The following CRLS1 variants were observed in gnomAD, a reference collection of about 807,000 sequenced individuals.
CRLS1 encodes cardiolipin synthase 1, also known as cardiolipin synthase (CMP-forming).
Under a neutral mutation model 37.0 loss-of-function variants are expected in CRLS1, and 24 were observed. The observed-to-expected ratio is 0.65, with a 90% CI of 0.47 to 0.91. CRLS1 has a LOEUF of 0.91. CRLS1 is among the 40% of genes least tolerant of loss of function. CRLS1 has a pLI of 0.00. For synonymous variants in CRLS1, 135 were observed against 159.7 expected (o/e 0.85, Z 1.17); for missense variants, 373 against 395.8 (o/e 0.94, Z 0.49).
intron 2 of CRLS1, among the ~76,000 whole-genome samples, chr20:6,014,709 T>C (rs959329296): frequency 6.6e-6 from 1 of 152,176 alleles, no homozygotes; most frequent in Admixed American, 6.5e-5. Context: ...AAAGCTCTGA[T>C]AGGTCAAACA....
In CRLS1 at chr20:6,034,455, TTTA is replaced by T; in HGVS notation, c.730-6_730-4del. ...CTATTCACTTAGAACTTTTTCTTTT[TTTA>T]TTTAGGTGAATACAGCAGTCCAGTT... On this transcript the variant is annotated splice_polypyrimidine_tract_variant and splice_region_variant and intron_variant, in intron 5 of 6. Transcript: ENST00000378863. The T allele has an allele frequency of 6.2e-7, 1 of 1,604,706 alleles. No homozygotes were observed. The highest frequency in any genetic ancestry group is 8.5e-7 in the Non-Finnish European group (1 of 1,175,982).
chr20:6,013,000 G>T (rs1978452313), intron 2 of CRLS1, among the ~76,000 whole-genome samples: 1 of 152,118 alleles, frequency 6.6e-6, no homozygotes, highest in Non-Finnish European at 1.5e-5. Flanking sequence ...GGGACGATTG[G>T]AGTGGGTCGA....
intron 3 of CRLS1, chr20:6,023,293 T>C (rs1194246701): frequency 6.6e-6 from 1 of 152,222 alleles, no homozygotes; most frequent in South Asian, 2.1e-4. Flanking sequence ...TCTGTTTAGA[T>C]ACATTCTTTG....
chr20:6,010,964 C>T (rs2090124137), intron 2 of CRLS1, among the ~76,000 whole-genome samples: 1 of 151,630 alleles, frequency 6.6e-6, no homozygotes, highest in African/African-American at 2.4e-5. Context: ...CTGCAGTGAG[C>T]TATGATCGCA....
In CRLS1 at chr20:6,015,496, A is replaced by T; in HGVS notation, c.574+6A>T. 6.2e-7 allele frequency: 1 copy of T among 1,612,676 alleles called. No homozygotes were observed. On this transcript the variant is annotated splice_donor_region_variant and intron_variant, in intron 3 of 6. Transcript: ENST00000378863. Reference sequence around the variant, plus strand: ...CTATGCAGATCTTATTCCAGGTAAGAACGCGTCATGCGTACTTTTGAATAG... The same window carrying T: ...CTATGCAGATCTTATTCCAGGTAAGTACGCGTCATGCGTACTTTTGAATAG...
At chr20:6,028,184 T>C (rs867030684) in intron 3 of CRLS1, 43 of 152,294 alleles carry the variant, frequency 2.8e-4, no homozygotes, top group African/African-American at 9.9e-4. Context: ...TTCTGCAGGA[T>C]TGGAGATCAA....
chr20:6,027,690 C>T (rs953213882), intron 3 of CRLS1, among the ~76,000 whole-genome samples: 1 of 152,212 alleles, frequency 6.6e-6, no homozygotes, highest in African/African-American at 2.4e-5. Context: ...GCTGGGATTA[C>T]AGGTGTGAGC....
chr20:6,022,536 G>A (rs1455706323), intron 3 of CRLS1, among the ~76,000 whole-genome samples: 2 of 151,706 alleles, frequency 1.3e-5, no homozygotes, highest in African/African-American at 4.8e-5. Context: ...ATGGAGTTTT[G>A]CCTGTTGCCC....
In CRLS1 at chr20:6,038,431, T is replaced by C. The variant is rs537945644; in HGVS notation, c.*1273T>C. 6.6e-6 allele frequency: 1 copy of C among 152,468 alleles called. No individual in the cohort carries two copies. The highest frequency in any genetic ancestry group is 2.1e-4 in the South Asian group (1 of 4,832). 9.4% of individuals were successfully genotyped at this position (152,468 alleles called of 1,614,324 possible). ...ACTCATGCCTCTTGGCCAGGCATTC[T>C]GCACCAGCGTGTCCCTCTGTGGCTT... On this transcript the variant is annotated 3_prime_UTR_variant, in exon 7 of 7. Transcript: ENST00000378863.
rs1285933669 is a variant in CRLS1 at position 6,039,347 on chromosome 20, T to C, written c.*2189T>C. On this transcript the variant is annotated 3_prime_UTR_variant, in exon 7 of 7. Coordinates refer to ENST00000378863, the MANE Select transcript of CRLS1 (RefSeq NM_019095.6). ...AGCCCACAACATCATAGCTTTGCAG[T>C]TTTTAACCAGGAGCTGGTGGAGATC... The C allele has an allele frequency of 6.6e-6, 1 of 151,966 alleles. No individual in the cohort carries two copies. The highest frequency in any genetic ancestry group is 1.9e-4 in the East Asian group (1 of 5,186). The allele number at this position is 151,966 out of a possible 1,614,324, so 9.4% of individuals were successfully genotyped here. A position where few individuals can be genotyped will look rare whatever the true frequency, so the allele number is the denominator to read the frequency against.
chr20:6,035,203 T>C (rs1980455250), intron 6 of CRLS1, among the ~76,000 whole-genome samples: 1 of 152,178 alleles, frequency 6.6e-6, no homozygotes, highest in African/African-American at 2.4e-5. Context: ...CCAGGCAGTC[T>C]TTTAAAAAAT....
chr20:6,020,480 G>C lies in CRLS1; in HGVS notation c.574+4990G>C, dbSNP rs374491222. On this transcript the variant is annotated intron_variant, in intron 3 of 6. Coordinates refer to ENST00000378863, the MANE Select transcript of CRLS1 (RefSeq NM_019095.6). ...TAATAACCTTGTGTTCAGAGAACAT[G>C]CTCTGTGATTTCAGCCTTTCAGCCC... 4.1e-4 allele frequency among the ~76,000 whole-genome samples: 63 copies of C among 152,164 alleles called. 1 individual carries two copies. The South Asian group carries it at 0.013, about 31-fold the overall frequency.
At chr20:6,015,535 G>T (rs1978678812) in intron 3 of CRLS1, 45 bp downstream of exon 3, 1 of 1,588,026 alleles carries the variant, frequency 6.3e-7, no homozygotes, top group South Asian at 1.1e-5. Context: ...AGGGAAGAAT[G>T]ACATTAGTCA....
intron 3 of CRLS1, 64 bp downstream of exon 3, chr20:6,015,554 T>G: frequency 6.6e-7 from 1 of 1,506,986 alleles, no homozygotes; most frequent in Non-Finnish European, 9.2e-7. Flanking sequence ...CAGCTTAGGA[T>G]TTCTCTTGAG....
chr20:6,013,131 A>G (rs946304933), intron 2 of CRLS1, among the ~76,000 whole-genome samples: 4 of 152,088 alleles, frequency 2.6e-5, no homozygotes, highest in African/African-American at 9.7e-5. Flanking sequence ...GGGGAATTAT[A>G]TCTATGTGTA....
chr20:6,014,248 A>G (rs745517668), intron 2 of CRLS1, among the ~76,000 whole-genome samples: 4 of 152,158 alleles, frequency 2.6e-5, no homozygotes, highest in Non-Finnish European at 5.9e-5. Flanking sequence ...AGGCCAAATA[A>G]CTTATCCAAG....
chr20:6,014,507 TAAAAGCCAGGA>T (rs997681579), intron 2 of CRLS1, among the ~76,000 whole-genome samples: 61 of 152,192 alleles, frequency 4.0e-4, no homozygotes, highest in African/African-American at 1.5e-3. Flanking sequence ...GTTAAATGAG[TAAAAGCCAGGA>T]AGGGACTTGG....
At chr20:6,021,772 T>C (rs965738282) in intron 3 of CRLS1, among the ~76,000 whole-genome samples, 1 of 152,222 alleles carries the variant, frequency 6.6e-6, no homozygotes, top group African/African-American at 2.4e-5. Flanking sequence ...TTGGCACATA[T>C]GTTTTGTCCT....
intron 4 of CRLS1, among the ~76,000 whole-genome samples, chr20:6,031,774 A>T (rs1980186630): frequency 6.6e-6 from 1 of 152,218 alleles, no homozygotes; most frequent in South Asian, 2.1e-4. Context: ...ATAGTGAATA[A>T]GGGAATTTTG....
Sources: gnomAD v4.1 joint callset for allele counts (sites outside exome capture counted in the v4.1 genomes callset) on GRCh38, gnomAD v4.1.1 for gene constraint, MANE v1.5 for transcripts, NCBI Gene and HGNC (gene_info 2026-07-23, HGNC 2026-07-21) for gene names.